The following ADAMTSL4 variants were observed in gnomAD, a reference collection of about 807,000 sequenced individuals.
The protein encoded by ADAMTSL4 is ADAMTS like 4, also known as ADAMTS-like protein 4.
A neutral mutation model predicts 122.8 loss-of-function variants in ADAMTSL4; 97 were observed. The ratio of observed to expected loss-of-function variants is 0.79; its 90% CI spans 0.67 to 0.93. The LOEUF (loss-of-function observed/expected upper bound fraction) is 0.93, where lower values mean the gene tolerates loss of function less well. Ranked by LOEUF, ADAMTSL4 falls within the 40% of genes least tolerant of loss-of-function variation. ADAMTSL4 has a pLI of 0.00. For missense variants in ADAMTSL4, 1,408 were observed against 1,453.5 expected (o/e 0.97, Z 0.51); for synonymous variants, 592 against 568.0 (o/e 1.04, Z -0.60).
In ADAMTSL4 at chr1:150,554,393, G is replaced by A. The variant is rs906984629; in HGVS notation, c.1160G>A (p.Arg387Gln). 25 of 1,613,586 alleles carry A rather than the reference G, an allele frequency of 1.5e-5. No individual in the cohort carries two copies. Among genetic ancestry groups the A allele is most frequent in the African/African-American group, 2.7e-5 (2 of 74,882 alleles). The change falls in exon 7 of 19, where the codon CGG becomes CAG. Residue 387 changes from arginine (R) to glutamine (Q), a missense_variant. Arg to Gln is a conservative substitution (Grantham distance 43, BLOSUM62 1). Transcript: ENST00000271643. This position sits in a 1 kb window ranked among gnomAD's most constrained non-coding sequence, Gnocchi z 4.0. ...TGCCCCCCTGAGCAGCCAGACCCCC[G>A]GGCCCTGCAGTGCGCAGCCTTTAAC... is the stretch of plus-strand genomic sequence containing the variant. ...APCPPEQPDP[R>Q]ALQCAAFNSQ...
At chr1:150,550,313 A>AG (rs1409643748) in intron 2 of ADAMTSL4, 1 of 314,910 alleles carries the variant, frequency 3.2e-6, no homozygotes, top group Admixed American at 3.4e-5. Flanking sequence ...TCTGCAGAGG[A>AG]GGGGGCATGG....
In ADAMTSL4 at chr1:150,559,238, G is replaced by A. The variant is rs771104091; in HGVS notation, c.2764-49G>A. ...GGGATTCCTTGTGGGCACTTGGGGT[G>A]CTCTCTGTCCTCCCCTCCCCTCATC... On this transcript the variant is annotated intron_variant, in intron 16 of 18. Coordinates refer to ENST00000271643, the MANE Select transcript of ADAMTSL4 (RefSeq NM_019032.6). This position sits in a 1 kb window ranked among gnomAD's most constrained non-coding sequence, Gnocchi z 4.1. The A allele has an allele frequency of 5.0e-6, 8 of 1,612,702 alleles. No individual in the cohort carries two copies. In the Admixed American group the frequency reaches 8.3e-5, roughly 17 times the overall value.
Position 150,557,630 on chromosome 1 carries a change from A to G in ADAMTSL4, c.2177+7A>G, listed in dbSNP as rs1296265807. 1.9e-6 allele frequency: 3 copies of G among 1,598,722 alleles called. No homozygotes were observed. The highest frequency in any genetic ancestry group is 4.5e-5 in the East Asian group (2 of 44,348). ...GCACCCCATGCCCCCCATAGTGAGT[A>G]TGGGGGAGCCCACGGGGAGGGTTAG... On this transcript the variant is annotated splice_region_variant and intron_variant, in intron 13 of 18. Transcript: ENST00000271643.
In ADAMTSL4 at chr1:150,558,089, C is replaced by T; in HGVS notation, c.2322C>T (p.Ile774=). 6.2e-7 allele frequency: 1 copy of T among 1,613,268 alleles called. No homozygotes were observed. The change falls in exon 14 of 19, where the codon ATC becomes ATT. Residue 774 remains isoleucine, a synonymous_variant. Coordinates refer to ENST00000271643, the MANE Select transcript of ADAMTSL4 (RefSeq NM_019032.6). ...ERCGHLPRPN[I]TQSCQLRLCG... ...GTGGACATCTCCCCCGGCCCAACAT[C>T]ACCCAGTCTTGCCAGCTGCGCCTCT...
At chr1:150,555,340 G>T in intron 7 of ADAMTSL4, 89 bp from the exon 8 acceptor site, 2 of 1,548,878 alleles carry the variant, frequency 1.3e-6, no homozygotes, top group Non-Finnish European at 1.8e-6. Context: ...ACAGTGACCT[G>T]GGCAACCTCA....
chr1:150,553,323 C>T (rs1671632426), intron 5 of ADAMTSL4, 70 bp downstream of exon 5: 13 of 1,603,418 alleles, frequency 8.1e-6, no homozygotes, highest in Middle Eastern at 1.7e-4. Context: ...AAGGGGAGCA[C>T]GGGTGGCTTC....
rs200905514 is a variant in ADAMTSL4, at chr1:150,555,461, C to G, written c.1267C>G (p.Arg423Gly). The change falls in exon 8 of 19, where the codon CGG becomes GGG. Residue 423 changes from arginine to glycine, a missense_variant. Transcript: ENST00000271643. Reference protein sequence around the residue: ...QGSQRCELNCRPRGFRFYVRH... With the variant: ...QGSQRCELNCGPRGFRFYVRH... ...CTCCCAGCGCTGTGAACTGAACTGC[C>G]GGCCCCGTGGCTTCCGCTTCTATGT... 1 of 1,614,150 alleles carries G rather than the reference C, an allele frequency of 6.2e-7. No homozygotes were observed. Among genetic ancestry groups the G allele is most frequent in the Non-Finnish European group, 8.5e-7 (1 of 1,180,020 alleles).
Position 150,554,531 on chromosome 1 carries a change from A to T in ADAMTSL4, c.1234+64A>T, listed in dbSNP as rs755914142. On this transcript the variant is annotated intron_variant, in intron 7 of 18. Transcript: ENST00000271643. The surrounding 1 kb of genome is among the most constrained non-coding windows in gnomAD (Gnocchi z 4.0). ...GAATTGGGGATGAAGGGGAGAGGAG[A>T]TACCTGCTTACTCCCAGCCCTGAAT... The T allele has an allele frequency of 1.2e-6, 2 of 1,602,388 alleles. No homozygotes were observed. The highest frequency in any genetic ancestry group is 1.7e-5 in the Admixed American group (1 of 57,958).
rs1293999004 is a variant in ADAMTSL4, at chr1:150,559,914, C to G, written c.3088+9C>G. The G allele has an allele frequency of 2.5e-6, 4 of 1,613,616 alleles. No individual in the cohort carries two copies. Among genetic ancestry groups the G allele is most frequent in the Non-Finnish European group, 3.4e-6 (4 of 1,180,002 alleles). ...CTGCAGCCAGCGCCCTGGTAAAGAGCCCCCTCTCCCCAATCCCCAATACAG... is the reference window on the plus strand; with the variant it reads ...CTGCAGCCAGCGCCCTGGTAAAGAGGCCCCTCTCCCCAATCCCCAATACAG... On this transcript the variant is annotated intron_variant, in intron 18 of 18. Coordinates refer to ENST00000271643, the MANE Select transcript of ADAMTSL4 (RefSeq NM_019032.6). The surrounding 1 kb of genome is among the most constrained non-coding windows in gnomAD (Gnocchi z 4.1).
In ADAMTSL4 at chr1:150,555,191, C is replaced by T. The variant is rs984247104; in HGVS notation, c.1235-238C>T. Among the ~76,000 whole-genome samples the T allele has an allele frequency of 1.2e-4, 18 of 152,122 alleles. No homozygotes were observed. In the East Asian group the frequency reaches 2.9e-3, roughly 25 times the overall value. On this transcript the variant is annotated intron_variant, in intron 7 of 18. Coordinates refer to ENST00000271643, the MANE Select transcript of ADAMTSL4 (RefSeq NM_019032.6). Reference sequence around the variant, plus strand: ...TTGTAGTGGAGATGGGGTTTCACCACGTTGGCCAGGCTGGTCTTGAACTCC... The same window carrying T: ...TTGTAGTGGAGATGGGGTTTCACCATGTTGGCCAGGCTGGTCTTGAACTCC...
At chr1:150,550,439 T>TGCCAAA (rs1194855910) in intron 2 of ADAMTSL4, among the ~76,000 whole-genome samples, 1 of 151,572 alleles carries the variant, frequency 6.6e-6, no homozygotes, top group East Asian at 2.0e-4. Flanking sequence ...TCCAGGGAAC[T>TGCCAAA]GCCAAAGCCA....
At position 150,559,989 on chromosome 1, in the gene ADAMTSL4, G is replaced by A. The variant is rs1672612847; in HGVS notation, c.3089-71G>A. The A allele has an allele frequency of 6.2e-7, 1 of 1,613,850 alleles. No homozygotes were observed. Among genetic ancestry groups the A allele is most frequent in the Admixed American group, 1.7e-5 (1 of 60,020 alleles). ...GATGAGAAAGGACCAGTGGGAATGG[G>A]CAGCACACCCATTCCCAGACGGGTG... On this transcript the variant is annotated intron_variant, in intron 18 of 18. Transcript: ENST00000271643. This position sits in a 1 kb window ranked among gnomAD's most constrained non-coding sequence, Gnocchi z 4.1.
chr1:150,557,860 G>C, intron 13 of ADAMTSL4, 85 bp from the exon 14 acceptor site: 3 of 1,513,820 alleles, frequency 2.0e-6, no homozygotes, highest in Non-Finnish European at 2.7e-6. Context: ...CCCACGTCCA[G>C]TGTGTCTTCC....
Position 150,556,205 on chromosome 1 carries a change from AT to A in ADAMTSL4, c.1416del (p.Asp472GlufsTer113). On this transcript the variant is annotated frameshift_variant, in exon 9 of 19. Coordinates refer to ENST00000271643, the MANE Select transcript of ADAMTSL4 (RefSeq NM_019032.6). LOFTEE classifies it high-confidence loss of function. This position sits in a 1 kb window ranked among gnomAD's most constrained non-coding sequence, Gnocchi z 4.1. ...DGILGSGRRP[D>X]GCGVCGGDDS... is the part of the protein sequence containing the mutation. ...ATCCTTGGCTCTGGCAGGCGTCCTG[AT>A]GGCTGTGGAGTCTGTGGGGGTGATG... 1 of 1,614,094 alleles carries A rather than the reference AT, an allele frequency of 6.2e-7. No homozygotes were observed. The highest frequency in any genetic ancestry group is 8.5e-7 in the Non-Finnish European group (1 of 1,180,014).
rs947610209 is a variant in ADAMTSL4, at chr1:150,554,116, C to T, written c.1125C>T (p.Ser375=). The change falls in exon 6 of 19, where the codon AGC becomes AGT. Residue 375 remains serine (S), a synonymous_variant. Coordinates refer to ENST00000271643, the MANE Select transcript of ADAMTSL4 (RefSeq NM_019032.6). The surrounding 1 kb of genome is among the most constrained non-coding windows in gnomAD (Gnocchi z 4.0). ...AGAGTGAACAGCTAAGAGCCTGCAG[C>T]CAAGCGGTGAGTCTCCTCGGGCCTC... is the stretch of plus-strand genomic sequence containing the variant. ...SGESEQLRAC[S]QAPCPPEQPD... is the part of the protein sequence containing the mutation. 4 of 1,599,344 alleles carry T rather than the reference C, an allele frequency of 2.5e-6. No individual in the cohort carries two copies. Among genetic ancestry groups the T allele is most frequent in the Admixed American group, 1.7e-5 (1 of 60,020 alleles).
In ADAMTSL4 at chr1:150,557,995, C is replaced by T; in HGVS notation, c.2228C>T (p.Thr743Ile). 6.2e-7 allele frequency: 1 copy of T among 1,611,912 alleles called. No individual in the cohort carries two copies. The highest frequency in any genetic ancestry group is 1.1e-5 in the South Asian group (1 of 91,046). The change falls in exon 14 of 19, where the codon ACC (threonine) becomes ATC (isoleucine). Residue 743 changes from threonine to isoleucine, a missense_variant. Thr to Ile is a moderately conservative substitution (Grantham distance 89). Coordinates refer to ENST00000271643, the MANE Select transcript of ADAMTSL4 (RefSeq NM_019032.6). ...TSCSRSCGPG[T>I]QHRQLQCRQE... ...TGCAGCCGCTCCTGTGGCCCCGGCA[C>T]CCAGCACCGCCAGCTGCAGTGCCGG... is the stretch of plus-strand genomic sequence containing the variant.
At position 150,559,269 on chromosome 1, in the gene ADAMTSL4, G is replaced by C; in HGVS notation, c.2764-18G>C. On this transcript the variant is annotated intron_variant, in intron 16 of 18. Transcript: ENST00000271643. The surrounding 1 kb of genome is among the most constrained non-coding windows in gnomAD (Gnocchi z 4.1). Reference sequence around the variant, plus strand: ...TGTCCTCCCCTCCCCTCATCACCCTGCCCTCCCCCTACACTAGTGCTCCTC... The same window carrying C: ...TGTCCTCCCCTCCCCTCATCACCCTCCCCTCCCCCTACACTAGTGCTCCTC... The C allele has an allele frequency of 6.2e-7, 1 of 1,613,774 alleles. No individual in the cohort carries two copies. Among genetic ancestry groups the C allele is most frequent in the Non-Finnish European group, 8.5e-7 (1 of 1,179,906 alleles).
Position 150,558,487 on chromosome 1 carries a change from C to T in ADAMTSL4, c.2397C>T (p.Cys799=), listed in dbSNP as rs199530808. 5.8e-5 allele frequency: 93 copies of T among 1,613,610 alleles called. No homozygotes were observed. The Middle Eastern group carries it at 8.3e-4, about 14-fold the overall frequency. Reference sequence around the variant, plus strand: ...CGCCCCCTCAGTGCTCCGTGCGGTGCGGCCGGGGCCAGAGAAGCCGGCAGG... The same window carrying T: ...CGCCCCCTCAGTGCTCCGTGCGGTGTGGCCGGGGCCAGAGAAGCCGGCAGG... ...GSPWSQCSVR[C]GRGQRSRQVR... is the part of the protein sequence containing the mutation. The change falls in exon 15 of 19, where the codon TGC becomes TGT. Residue 799 remains cysteine, a synonymous_variant. Coordinates refer to ENST00000271643, the MANE Select transcript of ADAMTSL4 (RefSeq NM_019032.6).
In ADAMTSL4 at chr1:150,557,021, C is replaced by T; in HGVS notation, c.1832C>T (p.Pro611Leu). The T allele has an allele frequency of 2.5e-6, 4 of 1,614,090 alleles. No individual in the cohort carries two copies. The highest frequency in any genetic ancestry group is 1.1e-5 in the South Asian group (1 of 91,088). Residue 611 changes from proline to leucine, a missense_variant, in exon 11 of 19, where the codon CCA becomes CTA. Coordinates refer to ENST00000271643, the MANE Select transcript of ADAMTSL4 (RefSeq NM_019032.6). Reference protein sequence around the residue: ...SPPPILENPTPEPPVPQLQPE... With the variant: ...SPPPILENPTLEPPVPQLQPE... Reference sequence around the variant, plus strand: ...CCTCCAATCCTTGAGAACCCCACCCCAGAGCCCCCTGTCCCCCAGCTTCAG... The same window carrying T: ...CCTCCAATCCTTGAGAACCCCACCCTAGAGCCCCCTGTCCCCCAGCTTCAG...
Sources: gnomAD v4.1 joint callset for allele counts (sites outside exome capture counted in the v4.1 genomes callset) on GRCh38, gnomAD v4.1.1 for gene constraint, Gnocchi (gnomAD v3.1) non-coding constraint, MANE v1.5 for transcripts, NCBI Gene and HGNC (gene_info 2026-07-23, HGNC 2026-07-21) for gene names.